Variants in CHAMP1 observed in about 807,000 individuals in gnomAD.
The protein encoded by CHAMP1 is chromosome alignment maintaining phosphoprotein 1, also known as chromosome alignment-maintaining phosphoprotein 1.
In CHAMP1, 4 loss-of-function variants were observed where a neutral mutation model predicts 54.5. The observed-to-expected ratio is 0.07, with a 90% CI of 0.04 to 0.17. CHAMP1 has a LOEUF of 0.17. CHAMP1 is among the 10% of genes least tolerant of loss of function. The pLI is 1.00. For missense variants in CHAMP1, 994 were observed against 968.6 expected (o/e 1.03, Z -0.35); for synonymous variants, 368 against 342.2 (o/e 1.08, Z -0.83).
At chr13:114,315,981 C>T (rs535618260) in intron 1 of CHAMP1, among the ~76,000 whole-genome samples, 4 of 151,786 alleles carry the variant, frequency 2.6e-5, no homozygotes, top group African/African-American at 9.7e-5. Flanking sequence ...GCATTACAGG[C>T]GCTTGCCACC....
In CHAMP1 at chr13:114,325,143, C is replaced by A. The variant is rs782184034; in HGVS notation, c.1301C>A (p.Ala434Glu). Residue 434 changes from alanine (A) to glutamate (E), a missense_variant, in exon 3 of 3, where the codon GCA becomes GAA. By Grantham distance (107) the Ala-to-Glu change is moderately radical. This residue lies in a region of CHAMP1 where 851 missense variants were observed against 701.3 expected (regional missense o/e 1.21). Transcript: ENST00000361283. ...CTATCCCCAGAGATCCGTAGTCCAG[C>A]AGGATCTCCAGAGCTCAGAAAACCC... ...PPLSPEIRSP[A>E]GSPELRKPSG... 9.2e-5 allele frequency: 148 copies of A among 1,614,062 alleles called. No homozygotes were observed. The highest frequency in any genetic ancestry group is 3.3e-5 in the Admixed American group (2 of 59,996).
chr13:114,324,319 T>C lies in CHAMP1; in HGVS notation c.477T>C (p.Pro159=). The C allele has an allele frequency of 6.2e-7, 1 of 1,614,126 alleles. No individual in the cohort carries two copies. The highest frequency in any genetic ancestry group is 8.5e-7 in the Non-Finnish European group (1 of 1,180,016). Residue 159 remains proline (P), a synonymous_variant, in exon 3 of 3, where the codon CCT becomes CCC. Coordinates refer to ENST00000361283, the MANE Select transcript of CHAMP1 (RefSeq NM_032436.4). ...TPLTPLEPQK[P]GSVVSPELQT... Reference sequence around the variant, plus strand: ...TTACTCCCCTGGAGCCTCAGAAACCTGGCTCTGTTGTTTCTCCTGAGCTAC... The same window carrying C: ...TTACTCCCCTGGAGCCTCAGAAACCCGGCTCTGTTGTTTCTCCTGAGCTAC...
In CHAMP1 at chr13:114,325,265, G is replaced by A; in HGVS notation, c.1423G>A (p.Gly475Ser). Residue 475 changes from glycine (G) to serine (S), a missense_variant, in exon 3 of 3, where the codon GGT becomes AGT. Around this residue, in one of 3 missense-constraint regions of CHAMP1, gnomAD observed 851 missense variants for 701.3 expected, o/e 1.21. Transcript: ENST00000361283. ...TGAGTCCCAGAAAAGTTCCCGTGGT[G>A]GTTCTCCTGATCTCTGGAAGTCTTC... The part of the protein sequence containing the change: ...FPESQKSSRG[G>S]SPDLWKSSFF... 6.2e-7 allele frequency: 1 copy of A among 1,614,112 alleles called. No individual in the cohort carries two copies. The highest frequency in any genetic ancestry group is 8.5e-7 in the Non-Finnish European group (1 of 1,180,030).
At position 114,325,759 on chromosome 13, in the gene CHAMP1, A is replaced by G. The variant is rs1555379900; in HGVS notation, c.1917A>G (p.Thr639=). 1.2e-6 allele frequency: 2 copies of G among 1,614,206 alleles called. No homozygotes were observed. The highest frequency in any genetic ancestry group is 1.7e-6 in the Non-Finnish European group (2 of 1,180,032). ...TTAGTAGTAGTGAGTACATAAAAACAGATTTGGATGCGATGGATATTAAGG... is the reference window on the plus strand; with the variant it reads ...TTAGTAGTAGTGAGTACATAAAAACGGATTTGGATGCGATGGATATTAAGG... The part of the protein sequence containing the change: ...AELSSSEYIK[T]DLDAMDIKGQ... The change falls in exon 3 of 3, where the codon ACA becomes ACG. Residue 639 remains threonine (T), a synonymous_variant. Transcript: ENST00000361283.
In CHAMP1 at chr13:114,327,007, A is replaced by AC. The variant is rs2087259478; in HGVS notation, c.*732dup. On this transcript the variant is annotated 3_prime_UTR_variant, in exon 3 of 3. Coordinates refer to ENST00000361283, the MANE Select transcript of CHAMP1 (RefSeq NM_032436.4). ...ATCTGGTTCTTCCCTCCCCATCCCC[A>AC]CCCCCCACCCACCGCCTGCCAGCTC... is the stretch of plus-strand genomic sequence containing the variant. The AC allele has an allele frequency of 1.5e-5, 1 of 66,038 alleles. No homozygotes were observed. Among genetic ancestry groups the AC allele is most frequent in the Non-Finnish European group, 3.5e-5 (1 of 28,788 alleles). 4.1% of individuals were successfully genotyped at this position (66,038 alleles called of 1,614,324 possible).
chr13:114,318,212 A>G (rs921144090), intron 1 of CHAMP1, among the ~76,000 whole-genome samples: 3 of 152,168 alleles, frequency 2.0e-5, no homozygotes, highest in African/African-American at 7.2e-5. Flanking sequence ...GTGATCTTTG[A>G]CAGGTCACTT....
chr13:114,324,214 A>G lies in CHAMP1; in HGVS notation c.372A>G (p.Pro124=), dbSNP rs1462589702. The change falls in exon 3 of 3, where the codon CCA becomes CCG. Residue 124 remains proline (P), a synonymous_variant. Transcript: ENST00000361283. ...HQKIPCNSAE[P]KSIPALSMET... is the part of the protein sequence containing the mutation. The stretch of plus-strand genomic sequence containing the variant: ...AAATACCCTGCAATTCAGCAGAACC[A>G]AAATCCATACCTGCCCTTTCAATGG... 6.2e-7 allele frequency: 1 copy of G among 1,614,074 alleles called. No individual in the cohort carries two copies. The highest frequency in any genetic ancestry group is 1.3e-5 in the African/African-American group (1 of 74,928).
At chr13:114,314,986 T>G (rs1468871658) in intron 1 of CHAMP1, among the ~76,000 whole-genome samples, 1 of 152,204 alleles carries the variant, frequency 6.6e-6, no homozygotes, top group African/African-American at 2.4e-5. Context: ...TATTACTGTT[T>G]AAAAATCCGC....
Position 114,326,565 on chromosome 13 carries a change from T to C in CHAMP1, c.*284T>C. 3.7e-6 allele frequency: 1 copy of C among 273,052 alleles called. No individual in the cohort carries two copies. The highest frequency in any genetic ancestry group is 6.8e-5 in the East Asian group (1 of 14,614). The allele number at this position is 273,052 out of a possible 1,614,324, so 16.9% of individuals were successfully genotyped here. A position where few individuals can be genotyped will look rare whatever the true frequency, so the allele number is the denominator to read the frequency against. ...ATAATACAAGGAAGTAGGCATTCCA[T>C]TTAATAATCAAGAGCAAGTTGTACT... On this transcript the variant is annotated 3_prime_UTR_variant, in exon 3 of 3. Transcript: ENST00000361283.
chr13:114,316,289 A>G (rs190044784), intron 1 of CHAMP1, among the ~76,000 whole-genome samples: 1 of 148,792 alleles, frequency 6.7e-6, no homozygotes, highest in African/African-American at 2.5e-5. Flanking sequence ...TCAGCCTCCC[A>G]AGTAGCTGGG....
In CHAMP1 at chr13:114,327,069, G is replaced by C. The variant is rs1171833140; in HGVS notation, c.*788G>C. ...TGATTCTTAATTGCCAAATGTGTTAGAGTTTGTATATCCTACTCCTGGGCC... is the reference window on the plus strand; with the variant it reads ...TGATTCTTAATTGCCAAATGTGTTACAGTTTGTATATCCTACTCCTGGGCC... On this transcript the variant is annotated 3_prime_UTR_variant, in exon 3 of 3. Coordinates refer to ENST00000361283, the MANE Select transcript of CHAMP1 (RefSeq NM_032436.4). 6.4e-6 allele frequency: 1 copy of C among 155,740 alleles called. No individual in the cohort carries two copies. Among genetic ancestry groups the C allele is most frequent in the African/African-American group, 2.7e-5 (1 of 37,146 alleles). The allele number at this position is 155,740 out of a possible 1,614,324, so 9.6% of individuals were successfully genotyped here. A position where few individuals can be genotyped will look rare whatever the true frequency, so the allele number is the denominator to read the frequency against.
At chr13:114,320,194 A>C (rs2087150051) in intron 1 of CHAMP1, among the ~76,000 whole-genome samples, 1 of 152,200 alleles carries the variant, frequency 6.6e-6, no homozygotes, top group Non-Finnish European at 1.5e-5. Context: ...GCTGTTGTGT[A>C]GCTTGTGCAT....
chr13:114,323,611 C>A, intron 2 of CHAMP1, 177 bp from the exon 3 acceptor site: 1 of 474,922 alleles, frequency 2.1e-6, no homozygotes, highest in South Asian at 4.3e-5. Context: ...TGTGAAACTC[C>A]TAGCAGAGTG....
chr13:114,320,542 G>C (rs1345646366), intron 1 of CHAMP1, among the ~76,000 whole-genome samples: 3 of 152,156 alleles, frequency 2.0e-5, no homozygotes, highest in African/African-American at 7.2e-5. Flanking sequence ...TTAGGTGGTG[G>C]GTTTGAGAAG....
Position 114,323,805 on chromosome 13 carries a change from A to G in CHAMP1, c.-38A>G. 1 of 1,533,178 alleles carries G rather than the reference A, an allele frequency of 6.5e-7. No individual in the cohort carries two copies. The allele number at this position is 1,533,178 out of a possible 1,614,324, so 95.0% of individuals were successfully genotyped here. On this transcript the variant is annotated 5_prime_UTR_variant, in exon 3 of 3. Transcript: ENST00000361283. ...TATTGCAGCAGTATTGAAAGTTTTT[A>G]AAGAATATAACCGTGTGTGTTGGTA...
intron 1 of CHAMP1, among the ~76,000 whole-genome samples, chr13:114,318,793 G>A (rs1360961581): frequency 2.3e-5 from 3 of 127,742 alleles, no homozygotes; most frequent in Non-Finnish European, 4.9e-5. Context: ...CCCTTTTGAA[G>A]TTAAATGTCT....
Position 114,325,051 on chromosome 13 carries a change from G to A in CHAMP1, c.1209G>A (p.Thr403=), listed in dbSNP as rs149624011. The A allele has an allele frequency of 7.4e-6, 12 of 1,614,036 alleles. No individual in the cohort carries two copies. The highest frequency in any genetic ancestry group is 2.2e-5 in the South Asian group (2 of 91,074). The part of the protein sequence containing the change: ...GPPELRKTAP[T]LSPEHWKAVP... ...CAGAACTCCGAAAGACAGCTCCCACGTTGTCTCCTGAACATTGGAAGGCAG... is the reference window on the plus strand; with the variant it reads ...CAGAACTCCGAAAGACAGCTCCCACATTGTCTCCTGAACATTGGAAGGCAG... The change falls in exon 3 of 3, where the codon ACG becomes ACA. Residue 403 remains threonine, a synonymous_variant. Transcript: ENST00000361283.
chr13:114,326,222 G>C lies in CHAMP1; in HGVS notation c.2380G>C (p.Glu794Gln), dbSNP rs1366617320. 6.3e-7 allele frequency: 1 copy of C among 1,598,742 alleles called. No individual in the cohort carries two copies. Among genetic ancestry groups the C allele is most frequent in the African/African-American group, 1.4e-5 (1 of 73,924 alleles). ...LTHCQSRHNE[E>Q]ANKKLMEALE... ...TCATTGTCAAAGCCGGCATAATGAA[G>C]AGGCAAATAAAAAGCTAATGGAAGC... Residue 794 changes from glutamate (E) to glutamine (Q), a missense_variant, in exon 3 of 3, where the codon GAG becomes CAG. By Grantham distance (29) the Glu-to-Gln change is conservative. This residue lies in a region of CHAMP1 where 59 missense variants were observed against 146.7 expected (regional missense o/e 0.40). Coordinates refer to ENST00000361283, the MANE Select transcript of CHAMP1 (RefSeq NM_032436.4).
intron 1 of CHAMP1, among the ~76,000 whole-genome samples, chr13:114,314,862 C>G (rs2087075713): frequency 6.6e-6 from 1 of 152,196 alleles, no homozygotes; most frequent in East Asian, 1.9e-4. Flanking sequence ...GGCCCGGTGT[C>G]AGTCGCTGCC....
Sources: allele counts gnomAD v4.1 joint callset (sites outside exome capture counted in the v4.1 genomes callset), GRCh38; gene constraint gnomAD v4.1.1; regional missense constraint gnomAD v4.1.1; transcripts MANE v1.5; gene names NCBI Gene and HGNC (gene_info 2026-07-23, HGNC 2026-07-21).